FCHO2: variants seen among roughly 807,000 people sequenced by gnomAD.
FCHO2 encodes F-BAR domain only protein 2.
Under a neutral mutation model 114.1 loss-of-function variants are expected in FCHO2, and 43 were observed. That is an observed-to-expected ratio of 0.38 (90% CI 0.30 to 0.49). The LOEUF is 0.49. Among genes scored for constraint, FCHO2 ranks in the 20% least tolerant of loss-of-function variants. FCHO2 has a pLI of 0.97. For missense variants in FCHO2, 807 were observed against 950.4 expected (o/e 0.85, Z 1.98); for synonymous variants, 293 against 315.2 (o/e 0.93, Z 0.75).
intron 24 of FCHO2, among the ~76,000 whole-genome samples, chr5:73,084,410 C>T (rs930684828): frequency 1.1e-4 from 17 of 152,072 alleles, no homozygotes; most frequent in Non-Finnish European, 1.5e-4. Context: ...GGATTACAGG[C>T]ACCTACCACC....
intron 18 of FCHO2, among the ~76,000 whole-genome samples, chr5:73,067,466 G>A (rs1215046480): frequency 6.6e-6 from 1 of 151,972 alleles, no homozygotes; most frequent in Non-Finnish European, 1.5e-5. Context: ...TCAAAAAGCT[G>A]TACTCTGGAA....
intron 18 of FCHO2, among the ~76,000 whole-genome samples, chr5:73,064,667 AC>A (rs1757984693): frequency 6.6e-6 from 1 of 152,038 alleles, no homozygotes; most frequent in African/African-American, 2.4e-5. Flanking sequence ...AGCTGCCTCA[AC>A]AACCTACATT....
intron 2 of FCHO2, among the ~76,000 whole-genome samples, chr5:72,972,255 G>GA (rs1752599631): frequency 6.6e-6 from 1 of 151,778 alleles, no homozygotes; most frequent in Non-Finnish European, 1.5e-5. Flanking sequence ...TTAGTAGCTT[G>GA]ATGGGGATGG....
intron 19 of FCHO2, among the ~76,000 whole-genome samples, chr5:73,069,089 C>T (rs1322215783): frequency 6.6e-6 from 1 of 152,006 alleles, no homozygotes; most frequent in African/African-American, 2.4e-5. Context: ...CTGATAGTTG[C>T]GTTTCTAAGA....
chr5:72,999,532 G>A (rs139946137), intron 5 of FCHO2, among the ~76,000 whole-genome samples: 4 of 151,856 alleles, frequency 2.6e-5, no homozygotes, highest in South Asian at 2.1e-4. Context: ...ACAGGCATGC[G>A]TCACCACGCC....
At chr5:73,066,456 C>A (rs1325093650) in intron 18 of FCHO2, among the ~76,000 whole-genome samples, 1 of 151,456 alleles carries the variant, frequency 6.6e-6, no homozygotes, top group East Asian at 1.9e-4. Context: ...TTTAAAAGTG[C>A]AATTTATGAA....
At chr5:72,979,276 C>T (rs1195892410) in intron 2 of FCHO2, among the ~76,000 whole-genome samples, 1 of 151,048 alleles carries the variant, frequency 6.6e-6, no homozygotes, top group Non-Finnish European at 1.5e-5. Flanking sequence ...TTAATTACTG[C>T]CTCAATTTCA....
At chr5:72,991,738 A>G (rs1054444055) in intron 5 of FCHO2, among the ~76,000 whole-genome samples, 2 of 152,336 alleles carry the variant, frequency 1.3e-5, no homozygotes, top group South Asian at 4.1e-4. Context: ...AGCTTTGTAA[A>G]ATGTTTGAAA....
intron 5 of FCHO2, among the ~76,000 whole-genome samples, chr5:72,999,643 A>G (rs1351830766): frequency 6.6e-6 from 1 of 152,090 alleles, no homozygotes; most frequent in Non-Finnish European, 1.5e-5. Context: ...TCAGCCTTCC[A>G]AAGTCTGAGA....
At chr5:73,042,204 A>C (rs1756836362) in intron 11 of FCHO2, among the ~76,000 whole-genome samples, 1 of 152,192 alleles carries the variant, frequency 6.6e-6, no homozygotes, top group Non-Finnish European at 1.5e-5. Context: ...ATAGACTTAT[A>C]ATGAGTTACG....
At chr5:73,033,636 A>AAT (rs1348099895) in intron 8 of FCHO2, among the ~76,000 whole-genome samples, 1 of 152,144 alleles carries the variant, frequency 6.6e-6, no homozygotes, top group African/African-American at 2.4e-5. Context: ...AGTTACCATT[A>AAT]ATAAATTAAA....
intron 2 of FCHO2, among the ~76,000 whole-genome samples, chr5:72,986,216 G>T (rs963365568): frequency 6.7e-6 from 1 of 149,502 alleles, no homozygotes; most frequent in Non-Finnish European, 1.5e-5. Context: ...TTTGGTTGTT[G>T]TATTTTCTAG....
chr5:73,039,663 C>T (rs1035576982), intron 10 of FCHO2, among the ~76,000 whole-genome samples: 1 of 147,862 alleles, frequency 6.8e-6, no homozygotes. Context: ...CCCGGTGGCT[C>T]ATGCCTGTAA....
chr5:72,973,082 T>C (rs908928869), intron 2 of FCHO2, among the ~76,000 whole-genome samples: 17 of 152,304 alleles, frequency 1.1e-4, no homozygotes, highest in Non-Finnish European at 1.3e-4. Flanking sequence ...AGCTTTTTGA[T>C]GTGTTGCTGG....
At chr5:72,960,957 C>A (rs979609661) in intron 1 of FCHO2, among the ~76,000 whole-genome samples, 3 of 152,028 alleles carry the variant, frequency 2.0e-5, no homozygotes, top group Non-Finnish European at 4.4e-5. Flanking sequence ...CTATAGTCAG[C>A]ACATAAAAAA....
At chr5:73,026,141 A>G (rs1409347147) in intron 8 of FCHO2, among the ~76,000 whole-genome samples, 1 of 152,158 alleles carries the variant, frequency 6.6e-6, no homozygotes, top group Admixed American at 6.5e-5. Context: ...CCACTGCATG[A>G]CTGTTGGAAT....
intron 22 of FCHO2, 97 bp downstream of exon 22, chr5:73,078,409 T>A: frequency 9.2e-7 from 1 of 1,088,442 alleles, no homozygotes. Context: ...AGTGAGTTTT[T>A]TCCCAGAAAT....
chr5:73,028,056 G>A (rs1007674525), intron 8 of FCHO2, among the ~76,000 whole-genome samples: 2 of 152,018 alleles, frequency 1.3e-5, no homozygotes, highest in Admixed American at 6.6e-5. Flanking sequence ...AAAATTAGGC[G>A]TGGTGTTGTG....
chr5:72,959,631 T>C (rs1751741405), intron 1 of FCHO2, among the ~76,000 whole-genome samples: 1 of 152,218 alleles, frequency 6.6e-6, no homozygotes, highest in South Asian at 2.1e-4. Context: ...AATAAAATTG[T>C]CAAAATTCAA....
Sources: gnomAD v4.1 joint callset for allele counts (sites outside exome capture counted in the v4.1 genomes callset) on GRCh38, gnomAD v4.1.1 for gene constraint, MANE v1.5 for transcripts, NCBI Gene and HGNC (gene_info 2026-07-23, HGNC 2026-07-21) for gene names.